The following NCKAP1 variants were observed in gnomAD, a reference collection of about 807,000 sequenced individuals.
NCKAP1 encodes the protein nck-associated protein 1.
A neutral mutation model predicts 151.2 loss-of-function variants in NCKAP1; 21 were observed. The ratio of observed to expected loss-of-function variants is 0.14; its 90% CI spans 0.10 to 0.20. The LOEUF (loss-of-function observed/expected upper bound fraction) is 0.20, where lower values mean the gene tolerates loss of function less well. Among genes scored for constraint, NCKAP1 ranks in the 10% least tolerant of loss-of-function variants. NCKAP1 has a pLI of 1.00. For missense variants in NCKAP1, 933 were observed against 1,352.1 expected (o/e 0.69, Z 4.86); for synonymous variants, 484 against 451.8 (o/e 1.07, Z -0.90).
intron 29 of NCKAP1, 86 bp downstream of exon 29, chr2:182,928,031 A>C (rs569874609): frequency 4.2e-6 from 4 of 942,258 alleles, no homozygotes; most frequent in Non-Finnish European, 6.3e-6. Flanking sequence ...TGTAAAAATA[A>C]AGAGAATTTA....
chr2:183,038,333 C>T lies in NCKAP1; in HGVS notation c.-234G>A, dbSNP rs544923244. 1.6e-3 allele frequency: 528 copies of T among 333,796 alleles called. 1 individual carries two copies. Among genetic ancestry groups the T allele is most frequent in the African/African-American group, 0.011 (496 of 46,112 alleles). The allele number at this position is 333,796 out of a possible 1,614,324, so 20.7% of individuals were successfully genotyped here. On this transcript the variant is annotated 5_prime_UTR_variant, in exon 1 of 31. Transcript: ENST00000361354. The stretch of plus-strand genomic sequence containing the variant: ...CGCGCCCCGGCAGCCTCCTGCCTTC[C>T]GCCCGCCGCCCTTCCGCCCCCACCC...
chr2:183,002,951 A>G (rs769667981), intron 4 of NCKAP1, 23 bp downstream of exon 4: 4 of 1,584,906 alleles, frequency 2.5e-6, no homozygotes, highest in Non-Finnish European at 3.5e-6. Context: ...ATAATTGGAC[A>G]TTTTTCTGAA....
chr2:183,032,992 T>C (rs917629676), intron 1 of NCKAP1, among the ~76,000 whole-genome samples: 1 of 152,202 alleles, frequency 6.6e-6, no homozygotes, highest in Non-Finnish European at 1.5e-5. Context: ...GAGGCTGCAG[T>C]GAGCTGAGAT....
rs1698385470 is a variant in NCKAP1 at position 183,002,116 on chromosome 2, T to C, written c.512+11A>G. 6.2e-7 allele frequency: 1 copy of C among 1,612,548 alleles called. No individual in the cohort carries two copies. The highest frequency in any genetic ancestry group is 1.7e-5 in the Admixed American group (1 of 59,812). ...GAGCATTTTAGAAAGACTTTTATAA[T>C]GCAAATCTACCTTGCTCCATGAGTC... On this transcript the variant is annotated intron_variant, in intron 5 of 30. Transcript: ENST00000361354.
chr2:182,961,264 T>A lies in NCKAP1; in HGVS notation c.1881+895A>T, dbSNP rs573617261. Among the ~76,000 whole-genome samples the A allele has an allele frequency of 2.8e-4, 42 of 152,300 alleles. 1 individual carries two copies. The South Asian group carries it at 7.0e-3, about 26-fold the overall frequency. On this transcript the variant is annotated intron_variant, in intron 18 of 30. Coordinates refer to ENST00000361354, the MANE Select transcript of NCKAP1 (RefSeq NM_013436.5). ...CCCAAAGGATTATAAAACATGCTGCTATAAAGACACATGCACACGTATGTC... is the reference window on the plus strand; with the variant it reads ...CCCAAAGGATTATAAAACATGCTGCAATAAAGACACATGCACACGTATGTC...
intron 20 of NCKAP1, among the ~76,000 whole-genome samples, chr2:182,956,216 ATT>A (rs935809448): frequency 2.0e-5 from 3 of 151,838 alleles, no homozygotes; most frequent in Non-Finnish European, 4.4e-5. Flanking sequence ...AATTTTTTGT[ATT>A]TTTAGTAGAG....
At chr2:183,009,260 A>C (rs1447264880) in intron 2 of NCKAP1, among the ~76,000 whole-genome samples, 3 of 151,932 alleles carry the variant, frequency 2.0e-5, no homozygotes, top group Non-Finnish European at 4.4e-5. Flanking sequence ...CTGTGGTCCC[A>C]GCTACTCTGG....
intron 20 of NCKAP1, among the ~76,000 whole-genome samples, chr2:182,956,243 T>C (rs951633226): frequency 2.0e-5 from 3 of 152,186 alleles, no homozygotes; most frequent in Non-Finnish European, 4.4e-5. Flanking sequence ...GGTTTCACTG[T>C]GTTAGCCAGG....
chr2:182,966,044 C>T (rs1363088468), intron 16 of NCKAP1, among the ~76,000 whole-genome samples: 1 of 152,148 alleles, frequency 6.6e-6, no homozygotes, highest in African/African-American at 2.4e-5. Context: ...AAAATCAACA[C>T]AGATTATACT....
chr2:183,027,727 C>T (rs1698925336), intron 1 of NCKAP1, among the ~76,000 whole-genome samples: 1 of 151,950 alleles, frequency 6.6e-6, no homozygotes, highest in Non-Finnish European at 1.5e-5. Context: ...GGTTTCCTAC[C>T]ATACTAAAAC....
intron 16 of NCKAP1, among the ~76,000 whole-genome samples, chr2:182,965,310 C>A (rs1199793951): frequency 6.7e-6 from 1 of 149,968 alleles, no homozygotes; most frequent in African/African-American, 2.5e-5. Flanking sequence ...AATAATCACA[C>A]GCCATCAATT....
chr2:182,946,373 C>T (rs888349998), intron 23 of NCKAP1, among the ~76,000 whole-genome samples: 15 of 151,868 alleles, frequency 9.9e-5, no homozygotes, highest in Non-Finnish European at 2.1e-4. Context: ...GCACTCCTAG[C>T]CTGGGCGACA....
At chr2:182,951,848 T>C (rs991778635) in intron 23 of NCKAP1, among the ~76,000 whole-genome samples, 16 of 152,092 alleles carry the variant, frequency 1.1e-4, no homozygotes, top group Admixed American at 3.9e-4. Context: ...ACCGTAGCTG[T>C]AGGATATTTC....
At position 183,015,458 on chromosome 2, in the gene NCKAP1, A is replaced by C. The variant is rs201395963; in HGVS notation, c.219+8348T>G. Among the ~76,000 whole-genome samples the C allele has an allele frequency of 2.4e-4, 36 of 152,124 alleles. 2 individuals carry two copies. In the East Asian group the frequency reaches 6.6e-3, roughly 28 times the overall value. ...ATTATCTAGATTGATGTTAGAAGAC[A>C]GAAGGTTAGAGGAAAGTAGGCTCCA... On this transcript the variant is annotated intron_variant, in intron 2 of 30. Transcript: ENST00000361354.
At chr2:182,984,501 C>T (rs1461014615) in intron 10 of NCKAP1, among the ~76,000 whole-genome samples, 1 of 151,504 alleles carries the variant, frequency 6.6e-6, no homozygotes, top group Non-Finnish European at 1.5e-5. Context: ...CTAGTAATTT[C>T]GCTGTGACAC....
chr2:182,927,051 T>C (rs1470392415), intron 29 of NCKAP1, 146 bp from the exon 30 acceptor site: 5 of 544,034 alleles, frequency 9.2e-6, no homozygotes, highest in South Asian at 2.5e-5. Context: ...TGAGCTTAGA[T>C]AGCCTACATT....
intron 8 of NCKAP1, 140 bp downstream of exon 8, chr2:182,994,698 CA>C (rs1698233826): frequency 1.5e-6 from 1 of 664,546 alleles, no homozygotes. Context: ...CTGATAGGAT[CA>C]ATATGAGGAC....
chr2:183,004,488 CAAAAA>C (rs34055584), intron 2 of NCKAP1, among the ~76,000 whole-genome samples: 2 of 78,822 alleles, frequency 2.5e-5, no homozygotes. Context: ...AAACAGCAAG[CAAAAA>C]AAAAAAAAAA....
intron 4 of NCKAP1, 108 bp from the exon 5 acceptor site, chr2:183,002,377 T>C: frequency 1.3e-6 from 1 of 766,332 alleles, no homozygotes; most frequent in South Asian, 2.3e-5. Flanking sequence ...CTGTATTTAT[T>C]TTATCCCTGT....
Sources: allele counts gnomAD v4.1 joint callset (sites outside exome capture counted in the v4.1 genomes callset), GRCh38; gene constraint gnomAD v4.1.1; transcripts MANE v1.5; gene names NCBI Gene and HGNC (gene_info 2026-07-23, HGNC 2026-07-21).